CMTR1: variants seen among roughly 807,000 people sequenced by gnomAD.
CMTR1 encodes the protein cap-specific mRNA (nucleoside-2'-O-)-methyltransferase 1.
CMTR1 carries 39 observed loss-of-function variants against 107.0 expected under a neutral mutation model. The ratio of observed to expected loss-of-function variants is 0.36; its 90% CI spans 0.28 to 0.48. The LOEUF (loss-of-function observed/expected upper bound fraction) is 0.48, where lower values mean the gene tolerates loss of function less well. Among genes scored for constraint, CMTR1 ranks in the 20% least tolerant of loss-of-function variants. The pLI is 0.99. For missense variants in CMTR1, 672 were observed against 1,064.9 expected (o/e 0.63, Z 5.14); for synonymous variants, 366 against 379.5 (o/e 0.96, Z 0.41).
chr6:37,424,268 A>C, the CMTR1 span, among the ~76,000 whole-genome samples: 1 of 146,536 alleles, frequency 6.8e-6, no homozygotes, highest in Non-Finnish European at 1.5e-5. Context: ...TTTGAGATGG[A>C]GTCTCCCTTT....
intron 8 of CMTR1, among the ~76,000 whole-genome samples, chr6:37,456,387 A>G (rs2113876314): frequency 6.6e-6 from 1 of 152,358 alleles, no homozygotes; most frequent in South Asian, 2.1e-4. Flanking sequence ...GGAAAGAACG[A>G]TTAAGACCCA....
intron 2 of CMTR1, among the ~76,000 whole-genome samples, chr6:37,441,495 A>G (rs145711979): frequency 0.016 from 2,394 of 151,694 alleles, 52 homozygotes; most frequent in African/African-American, 0.051. Context: ...GCTCACCGCA[A>G]TCTCCACCTC....
rs1761852851 is a variant in CMTR1 at position 37,481,311 on chromosome 6, C to A, written c.*1166C>A. The A allele has an allele frequency of 6.6e-6, 8 of 1,211,092 alleles. No homozygotes were observed. Among genetic ancestry groups the A allele is most frequent in the Admixed American group, 3.1e-5 (1 of 31,830 alleles). The allele number at this position is 1,211,092 out of a possible 1,614,324, so 75.0% of individuals were successfully genotyped here. ...CCTAGGGCCCCATCCCAGTGCCAGG[C>A]TGGTTTCCATGGAGATAGGGCACTG... On this transcript the variant is annotated 3_prime_UTR_variant, in exon 24 of 24. Transcript: ENST00000373451.
At chr6:37,435,816 C>G in intron 2 of CMTR1, 54 bp downstream of exon 2, 1 of 1,531,824 alleles carries the variant, frequency 6.5e-7, no homozygotes, top group Non-Finnish European at 8.7e-7. Context: ...TTTGAACACA[C>G]AGTGTCTAAT....
At chr6:37,473,715 T>C (rs375068324) in intron 17 of CMTR1, 114 bp downstream of exon 17, 2 of 1,272,116 alleles carry the variant, frequency 1.6e-6, no homozygotes, top group East Asian at 4.8e-5. Context: ...AAGTAGCTGT[T>C]GCTTTGACCC....
chr6:37,480,482 G>A lies in CMTR1; in HGVS notation c.*337G>A. 8.7e-7 allele frequency: 1 copy of A among 1,144,014 alleles called. No homozygotes were observed. The highest frequency in any genetic ancestry group is 2.2e-5 in the South Asian group (1 of 45,714). The allele number at this position is 1,144,014 out of a possible 1,614,324, so 70.9% of individuals were successfully genotyped here. A position where few individuals can be genotyped will look rare whatever the true frequency, so the allele number is the denominator to read the frequency against. ...GAGTGGCAGAGCTGTGGGCTCTGCT[G>A]TTCTCTCCTGCATCCTGTAGACTCA... On this transcript the variant is annotated 3_prime_UTR_variant, in exon 24 of 24. Transcript: ENST00000373451.
At chr6:37,451,486 C>T (rs1005499288) in intron 5 of CMTR1, among the ~76,000 whole-genome samples, 2 of 152,162 alleles carry the variant, frequency 1.3e-5, no homozygotes, top group African/African-American at 4.8e-5. Flanking sequence ...CCTTCTGCCT[C>T]CATGCTCCAG....
At chr6:37,467,051 T>C (rs1761525795) in intron 13 of CMTR1, among the ~76,000 whole-genome samples, 1 of 151,926 alleles carries the variant, frequency 6.6e-6, no homozygotes, top group South Asian at 2.1e-4. Context: ...ACACCTGTGG[T>C]AGCTACTCAG....
At chr6:37,442,992 A>C (rs1008746409) in intron 2 of CMTR1, among the ~76,000 whole-genome samples, 1 of 152,226 alleles carries the variant, frequency 6.6e-6, no homozygotes, top group Non-Finnish European at 1.5e-5. Flanking sequence ...AATAGATAAT[A>C]TATTCACATG....
chr6:37,428,057 A>AGAGAGG, the CMTR1 span, among the ~76,000 whole-genome samples: 618 of 143,150 alleles, frequency 4.3e-3, 9 homozygotes, highest in African/African-American at 0.012. Context: ...AGAGAGAGAG[A>AGAGAGG]GAGAAACTCT....
intron 13 of CMTR1, among the ~76,000 whole-genome samples, chr6:37,467,453 T>C (rs1230951995): frequency 1.3e-5 from 2 of 152,224 alleles, no homozygotes; most frequent in Non-Finnish European, 2.9e-5. Flanking sequence ...CTTGGCATAA[T>C]GTTCTATAAA....
At chr6:37,477,259 G>A (rs916849078) in intron 20 of CMTR1, among the ~76,000 whole-genome samples, 4 of 152,228 alleles carry the variant, frequency 2.6e-5, no homozygotes, top group African/African-American at 9.6e-5. Flanking sequence ...TGATGGTGAA[G>A]ATGACTTGGG....
At position 37,458,890 on chromosome 6, in the gene CMTR1, C is replaced by T; in HGVS notation, c.976+80C>T. The T allele has an allele frequency of 7.7e-7, 1 of 1,292,448 alleles. No individual in the cohort carries two copies. The highest frequency in any genetic ancestry group is 1.1e-6 in the Non-Finnish European group (1 of 913,784). 80.1% of individuals were successfully genotyped at this position (1,292,448 alleles called of 1,614,324 possible). Reference sequence around the variant, plus strand: ...ACTTCAGGTCAGAAGCAGTTGTTATCCACATGCCATATTTTCTTTCCTAGG... The same window carrying T: ...ACTTCAGGTCAGAAGCAGTTGTTATTCACATGCCATATTTTCTTTCCTAGG... On this transcript the variant is annotated intron_variant, in intron 9 of 23. Coordinates refer to ENST00000373451, the MANE Select transcript of CMTR1 (RefSeq NM_015050.3). The surrounding 1 kb of genome is among the most constrained non-coding windows in gnomAD (Gnocchi z 4.7).
chr6:37,477,690 G>A, intron 21 of CMTR1, 51 bp downstream of exon 21: 3 of 1,144,740 alleles, frequency 2.6e-6, no homozygotes, highest in Non-Finnish European at 3.7e-6. Context: ...TGGGGGTGCG[G>A]CCGTGTCCTG....
Position 37,450,348 on chromosome 6 carries a change from G to C in CMTR1, c.537+5G>C. ...GATTGGATGGTGGTGGGAAAGGTAGGCTTTCAGGAAAACGTACCCTGACTT... is the reference window on the plus strand; with the variant it reads ...GATTGGATGGTGGTGGGAAAGGTAGCCTTTCAGGAAAACGTACCCTGACTT... On this transcript the variant is annotated splice_donor_5th_base_variant and intron_variant, in intron 5 of 23. Coordinates refer to ENST00000373451, the MANE Select transcript of CMTR1 (RefSeq NM_015050.3). 1 of 1,611,906 alleles carries C rather than the reference G, an allele frequency of 6.2e-7. No homozygotes were observed. The highest frequency in any genetic ancestry group is 8.5e-7 in the Non-Finnish European group (1 of 1,178,008).
At chr6:37,429,115 A>G (rs1283485082), upstream of CMTR1, among the ~76,000 whole-genome samples, 1 of 151,210 alleles carries the variant, frequency 6.6e-6, no homozygotes, top group Non-Finnish European at 1.5e-5. Flanking sequence ...TTTGTTTTTC[A>G]CGTTTGATAC....
upstream of CMTR1, among the ~76,000 whole-genome samples, chr6:37,431,869 G>C (rs374671306): frequency 1.3e-5 from 2 of 152,308 alleles, no homozygotes; most frequent in African/African-American, 4.8e-5. Context: ...AGGCTGGAGT[G>C]CAGTGGTGCA....
In CMTR1 at chr6:37,472,333, C is replaced by G; in HGVS notation, c.1621-86C>G. On this transcript the variant is annotated intron_variant, in intron 15 of 23. Coordinates refer to ENST00000373451, the MANE Select transcript of CMTR1 (RefSeq NM_015050.3). This position sits in a 1 kb window ranked among gnomAD's most constrained non-coding sequence, Gnocchi z 4.1. ...TGCCATTCCTCCTCCCCAGTCTGAC[C>G]CTATCTCCTCCACCTGCATATACTC... The G allele has an allele frequency of 5.6e-6, 7 of 1,240,370 alleles. No individual in the cohort carries two copies. The Admixed American group carries it at 8.5e-5, about 15-fold the overall frequency. The allele number at this position is 1,240,370 out of a possible 1,614,324, so 76.8% of individuals were successfully genotyped here.
chr6:37,445,885 G>T (rs1016695236), intron 3 of CMTR1, among the ~76,000 whole-genome samples: 1 of 152,124 alleles, frequency 6.6e-6, no homozygotes, highest in Non-Finnish European at 1.5e-5. Context: ...TGTTTGACTG[G>T]ATAAGGGTAA....
Sources: allele counts gnomAD v4.1 joint callset (sites outside exome capture counted in the v4.1 genomes callset), GRCh38; gene constraint gnomAD v4.1.1; non-coding constraint Gnocchi (gnomAD v3.1); transcripts MANE v1.5; gene names NCBI Gene and HGNC (gene_info 2026-07-23, HGNC 2026-07-21).